The following PCNX2 variants were observed in gnomAD, a reference collection of about 807,000 sequenced individuals.
PCNX2 encodes the protein pecanex-like protein 2.
A neutral mutation model predicts 223.8 loss-of-function variants in PCNX2; 168 were observed. The observed-to-expected ratio is 0.75, with a 90% CI of 0.66 to 0.85. PCNX2 has a LOEUF of 0.85. PCNX2 is among the 40% of genes least tolerant of loss of function. The probability of loss-of-function intolerance (pLI) is 0.00; values close to 1 mark genes in which losing one functional copy is unlikely to be tolerated. For missense variants in PCNX2, 2,507 were observed against 2,675.5 expected, an observed-to-expected ratio of 0.94 and a Z score of 1.39; for synonymous variants, 1,006 against 1,052.6, an observed-to-expected ratio of 0.96 and a Z score of 0.86.
chr1:233,135,838 T>A (rs2102768229), intron 20 of PCNX2, among the ~76,000 whole-genome samples: 1 of 152,364 alleles, frequency 6.6e-6, no homozygotes, highest in African/African-American at 2.4e-5. Flanking sequence ...TTTAAAATTA[T>A]ATCATCAATG....
chr1:233,115,940 T>A (rs1412656605), intron 21 of PCNX2, among the ~76,000 whole-genome samples: 1 of 152,132 alleles, frequency 6.6e-6, no homozygotes, highest in African/African-American at 2.4e-5. Flanking sequence ...AAAGTAAAAG[T>A]ATGAGAAAAT....
At chr1:233,206,392 A>G (rs573671902) in intron 13 of PCNX2, among the ~76,000 whole-genome samples, 4 of 152,154 alleles carry the variant, frequency 2.6e-5, no homozygotes, top group African/African-American at 9.6e-5. Context: ...ATGGCCCTGC[A>G]AAGTGTGCCA....
At chr1:233,270,340 A>G (rs1660578870) in intron 1 of PCNX2, among the ~76,000 whole-genome samples, 1 of 152,230 alleles carries the variant, frequency 6.6e-6, no homozygotes, top group South Asian at 2.1e-4. Context: ...TTAGTATTTT[A>G]TCAGAAAATC....
At chr1:233,082,603 A>G (rs1484856664) in intron 23 of PCNX2, among the ~76,000 whole-genome samples, 1 of 152,192 alleles carries the variant, frequency 6.6e-6, no homozygotes, top group Non-Finnish European at 1.5e-5. Flanking sequence ...GCAGCTTTTA[A>G]TTGCATTGTA....
chr1:233,171,930 T>C (rs902916837), intron 17 of PCNX2, among the ~76,000 whole-genome samples: 6 of 152,174 alleles, frequency 3.9e-5, no homozygotes, highest in Non-Finnish European at 7.3e-5. Flanking sequence ...CTCCTTATCT[T>C]TCAGTTCACT....
At chr1:233,082,890 C>T (rs1195376379) in intron 23 of PCNX2, among the ~76,000 whole-genome samples, 4 of 152,140 alleles carry the variant, frequency 2.6e-5, no homozygotes, top group African/African-American at 9.7e-5. Context: ...TGCTGCCAAA[C>T]TGAGGGGGCT....
intron 17 of PCNX2, among the ~76,000 whole-genome samples, chr1:233,161,896 T>C (rs985686617): frequency 6.6e-6 from 1 of 151,130 alleles, no homozygotes; most frequent in Admixed American, 6.6e-5. Flanking sequence ...CTAGACCAGA[T>C]TTTGCATTTT....
At chr1:233,159,475 C>T (rs995091949) in intron 19 of PCNX2, among the ~76,000 whole-genome samples, 1 of 152,112 alleles carries the variant, frequency 6.6e-6, no homozygotes, top group African/African-American at 2.4e-5. Flanking sequence ...TTAGATAACT[C>T]GCTAACAACT....
intron 15 of PCNX2, among the ~76,000 whole-genome samples, chr1:233,189,711 G>A (rs894765540): frequency 6.6e-6 from 1 of 152,124 alleles, no homozygotes; most frequent in Admixed American, 6.5e-5. Flanking sequence ...AGTTGTTAAG[G>A]ATACGTGGGA....
At chr1:232,999,452 CTTTT>C (rs61543110) in intron 30 of PCNX2, 73 bp from the exon 31 acceptor site, 2,149 of 1,162,890 alleles carry the variant, frequency 1.8e-3, no homozygotes, top group East Asian at 2.3e-3. Context: ...TTTTCTTTTT[CTTTT>C]TTTTTTTTTT....
rs180704199 is a variant in PCNX2, at chr1:233,258,989, G to C, written c.873C>G (p.Pro291=). The C allele has an allele frequency of 1.2e-6, 2 of 1,613,866 alleles. No individual in the cohort carries two copies. Among genetic ancestry groups the C allele is most frequent in the South Asian group, 1.1e-5 (1 of 91,066 alleles). The stretch of plus-strand genomic sequence containing the variant: ...GTACCCGTTCCCTTATGGAGCCCCG[G>C]GGACAACTGACAGGTTCTGGAATCA... The part of the protein sequence containing the change: ...SVLIPEPVSC[P]RGSIRERVQS... Residue 291 remains proline (P), a synonymous_variant, in exon 5 of 34, where the codon CCC becomes CCG. Coordinates refer to ENST00000258229, the MANE Select transcript of PCNX2 (RefSeq NM_014801.4).
At chr1:233,029,086 C>T (rs1450466771) in intron 25 of PCNX2, among the ~76,000 whole-genome samples, 2 of 152,150 alleles carry the variant, frequency 1.3e-5, no homozygotes, top group African/African-American at 4.8e-5. Flanking sequence ...GATCCACCCA[C>T]CTTGGCCTCC....
intron 23 of PCNX2, among the ~76,000 whole-genome samples, chr1:233,067,481 AT>A (rs994996839): frequency 1.3e-4 from 19 of 145,694 alleles, no homozygotes; most frequent in East Asian, 6.2e-4. Context: ...ACAGTAACTA[AT>A]TTTTTTTTTG....
intron 25 of PCNX2, among the ~76,000 whole-genome samples, chr1:233,030,786 C>T (rs1421641493): frequency 6.6e-6 from 1 of 152,234 alleles, no homozygotes; most frequent in African/African-American, 2.4e-5. Context: ...CCTACATAGT[C>T]TTTATTTATA....
In PCNX2 at chr1:232,998,447, G is replaced by A. The variant is rs1342373777; in HGVS notation, c.5604-9C>T. The A allele has an allele frequency of 1.2e-6, 2 of 1,609,714 alleles. No individual in the cohort carries two copies. The highest frequency in any genetic ancestry group is 1.7e-6 in the Non-Finnish European group (2 of 1,178,738). On this transcript the variant is annotated splice_polypyrimidine_tract_variant and intron_variant, in intron 31 of 33. Transcript: ENST00000258229. ...TGCAATCCTTCCGCATCCTGTGGGA[G>A]GGAGAAGTCCTTTGAGGATTCTCAG...
chr1:233,241,447 C>A (rs1053763485), intron 8 of PCNX2: 35 of 873,890 alleles, frequency 4.0e-5, no homozygotes, highest in Non-Finnish European at 4.8e-5. Flanking sequence ...TCTAATACGT[C>A]TAAGAAAACA....
intron 15 of PCNX2, among the ~76,000 whole-genome samples, chr1:233,189,269 T>G (rs775779900): frequency 3.3e-5 from 5 of 152,172 alleles, no homozygotes; most frequent in African/African-American, 9.7e-5. Flanking sequence ...TACATGGAGA[T>G]ATAGTAAGGG....
At chr1:233,088,764 TAAA>T (rs1463016095) in intron 23 of PCNX2, among the ~76,000 whole-genome samples, 3 of 152,164 alleles carry the variant, frequency 2.0e-5, no homozygotes, top group African/African-American at 7.2e-5. Flanking sequence ...CGAGTCATGG[TAAA>T]CACCTACTAG....
intron 12 of PCNX2, among the ~76,000 whole-genome samples, chr1:233,212,540 T>C (rs191152888): frequency 2.6e-4 from 39 of 152,218 alleles, no homozygotes; most frequent in Non-Finnish European, 4.7e-4. Context: ...AAATGGCAGA[T>C]GCAGTTGTCC....
Sources: allele counts gnomAD v4.1 joint callset (sites outside exome capture counted in the v4.1 genomes callset), GRCh38; gene constraint gnomAD v4.1.1; transcripts MANE v1.5; gene names NCBI Gene and HGNC (gene_info 2026-07-23, HGNC 2026-07-21).